The following FAR1 variants were observed in gnomAD, a reference collection of about 807,000 sequenced individuals.
The protein encoded by FAR1 is fatty acyl-CoA reductase 1.
A neutral mutation model predicts 61.1 loss-of-function variants in FAR1; 22 were observed. That is an observed-to-expected ratio of 0.36 (90% confidence interval 0.26 to 0.51). The LOEUF (loss-of-function observed/expected upper bound fraction) is 0.51, where lower values mean the gene tolerates loss of function less well. Ranked by LOEUF, FAR1 falls within the 20% of genes least tolerant of loss-of-function variation. The pLI, the probability that FAR1 is intolerant of heterozygous loss-of-function variation, is 0.95. For missense variants in FAR1, 359 were observed against 626.9 expected, an observed-to-expected ratio of 0.57 and a Z score of 4.56; for synonymous variants, 206 against 209.7, an observed-to-expected ratio of 0.98 and a Z score of 0.15.
intron 1 of FAR1, among the ~76,000 whole-genome samples, chr11:13,673,067 C>G (rs1848028389): frequency 6.6e-6 from 1 of 152,178 alleles, no homozygotes; most frequent in South Asian, 2.1e-4. Context: ...TATAGCTGAT[C>G]AACTTAAACA....
intron 10 of FAR1, among the ~76,000 whole-genome samples, chr11:13,724,351 G>C (rs998367338): frequency 3.3e-5 from 5 of 151,746 alleles, no homozygotes; most frequent in African/African-American, 1.2e-4. Context: ...TTCGAGACCA[G>C]CCTGGGCAAC....
At chr11:13,680,204 G>A (rs975401971) in intron 1 of FAR1, among the ~76,000 whole-genome samples, 3 of 152,116 alleles carry the variant, frequency 2.0e-5, no homozygotes, top group Non-Finnish European at 4.4e-5. Context: ...TAAATAATTT[G>A]TACACTTTGG....
intron 1 of FAR1, chr11:13,669,490 TAGA>T (rs1258608276): frequency 6.6e-6 from 1 of 152,202 alleles, no homozygotes; most frequent in Non-Finnish European, 1.5e-5. Flanking sequence ...GCTATTGGAC[TAGA>T]AGGCATTAGT....
At chr11:13,714,007 C>A (rs996680957) in intron 8 of FAR1, among the ~76,000 whole-genome samples, 2 of 151,882 alleles carry the variant, frequency 1.3e-5, no homozygotes, top group African/African-American at 4.8e-5. Flanking sequence ...ATAGATGATA[C>A]TAGGTTTGAT....
At chr11:13,672,338 T>C (rs1342614776) in intron 1 of FAR1, among the ~76,000 whole-genome samples, 7 of 150,772 alleles carry the variant, frequency 4.6e-5, no homozygotes, top group Non-Finnish European at 1.5e-5. Flanking sequence ...CCGCCTGAGC[T>C]CAAGAGTTCA....
rs189734722 is a variant in FAR1, at chr11:13,718,761, G to A, written c.1128-2969G>A. Among the ~76,000 whole-genome samples, 3 of 152,256 alleles carry A rather than the reference G, an allele frequency of 2.0e-5. No homozygotes were observed. In the East Asian group the frequency reaches 5.8e-4, roughly 29 times the overall value. On this transcript the variant is annotated intron_variant, in intron 9 of 11. Transcript: ENST00000354817. Reference sequence around the variant, plus strand: ...GGGTTAGCTTGATGGTAATGGCTCAGGATCTTTCAAATGATTGTAGTCAGA... The same window carrying A: ...GGGTTAGCTTGATGGTAATGGCTCAAGATCTTTCAAATGATTGTAGTCAGA...
At chr11:13,691,801 G>C (rs1447152502) in intron 1 of FAR1, among the ~76,000 whole-genome samples, 2 of 152,150 alleles carry the variant, frequency 1.3e-5, no homozygotes, top group Non-Finnish European at 2.9e-5. Context: ...GTGCCACTTG[G>C]CTATCGTGAG....
At chr11:13,702,426 A>T (rs916889383) in intron 3 of FAR1, among the ~76,000 whole-genome samples, 1 of 152,162 alleles carries the variant, frequency 6.6e-6, no homozygotes, top group Non-Finnish European at 1.5e-5. Flanking sequence ...AAAGGGACTG[A>T]TACCCTCATC....
chr11:13,704,763 A>T (rs2134187110), intron 3 of FAR1, among the ~76,000 whole-genome samples: 1 of 152,266 alleles, frequency 6.6e-6, no homozygotes, highest in Admixed American at 6.5e-5. Flanking sequence ...TAGTGATAAG[A>T]TCTCATCTAG....
chr11:13,694,639 A>G, intron 1 of FAR1, 120 bp from the exon 2 acceptor site: 5 of 788,158 alleles, frequency 6.3e-6, no homozygotes, highest in Non-Finnish European at 9.9e-6. Flanking sequence ...TCTCTTGTTA[A>G]TGTTCTATTT....
chr11:13,707,633 G>C (rs1185288145), intron 3 of FAR1, among the ~76,000 whole-genome samples: 3 of 152,056 alleles, frequency 2.0e-5, no homozygotes, highest in African/African-American at 7.2e-5. Flanking sequence ...GAAATTATCT[G>C]TTTGTTCCTG....
In FAR1 at chr11:13,710,702, T is replaced by C. The variant is rs182336044; in HGVS notation, c.555T>C (p.Asp185=). ...GCAATTTCTTTACCAGGTGGATGGATGATGGCCTAGTAAATGATATCACGC... is the reference window on the plus strand; with the variant it reads ...GCAATTTCTTTACCAGGTGGATGGACGATGGCCTAGTAAATGATATCACGC... The part of the protein sequence containing the change: ...KKLIDSLEWM[D]DGLVNDITPK... Residue 185 remains aspartate (D), a synonymous_variant, in exon 5 of 12, where the codon GAT becomes GAC. Transcript: ENST00000354817. 6.1e-4 allele frequency: 972 copies of C among 1,586,736 alleles called. 10 individuals are homozygous for C. In the Admixed American group the frequency reaches 0.011, roughly 19 times the overall value.
chr11:13,725,664 A>G (rs529148191), intron 10 of FAR1, among the ~76,000 whole-genome samples: 1 of 152,192 alleles, frequency 6.6e-6, no homozygotes, highest in Admixed American at 6.5e-5. Context: ...ATCCTTACAC[A>G]TTGCTGGTAG....
intron 3 of FAR1, among the ~76,000 whole-genome samples, chr11:13,706,791 T>C (rs1005164195): frequency 1.3e-5 from 2 of 152,210 alleles, no homozygotes; most frequent in African/African-American, 2.4e-5. Context: ...AAGGAATATT[T>C]GTTGACTGCC....
chr11:13,674,856 AAAG>A (rs1283754003), intron 1 of FAR1, among the ~76,000 whole-genome samples: 4 of 152,204 alleles, frequency 2.6e-5, no homozygotes, highest in Non-Finnish European at 4.4e-5. Context: ...ATAGATGTAC[AAAG>A]AAGAACACTC....
At position 13,702,854 on chromosome 11, in the gene FAR1, T is replaced by C. The variant is rs1283800965; in HGVS notation, c.365+2362T>C. The stretch of plus-strand genomic sequence containing the variant: ...CAAGGAGGACCAAAGTACAGCACTT[T>C]CAGGGAACTTTCTTTCTGTCCCCCT... On this transcript the variant is annotated intron_variant, in intron 3 of 11. Coordinates refer to ENST00000354817, the MANE Select transcript of FAR1 (RefSeq NM_032228.6). 3.9e-5 allele frequency among the ~76,000 whole-genome samples: 6 copies of C among 152,228 alleles called. No homozygotes were observed. In the South Asian group the frequency reaches 6.2e-4, roughly 16 times the overall value.
At chr11:13,677,726 T>C (rs1848083711) in intron 1 of FAR1, among the ~76,000 whole-genome samples, 1 of 152,242 alleles carries the variant, frequency 6.6e-6, no homozygotes, top group East Asian at 1.9e-4. Context: ...GCCTTTTGGC[T>C]GAGTCATTCT....
At chr11:13,699,930 A>G (rs61883163) in intron 2 of FAR1, among the ~76,000 whole-genome samples, 13,660 of 152,234 alleles carry the variant, frequency 0.09, 703 homozygotes, top group South Asian at 0.13. Flanking sequence ...AAAAATTAAG[A>G]TCTAGATTTT....
intron 5 of FAR1, 119 bp from the exon 6 acceptor site, chr11:13,711,645 T>G: frequency 2.6e-6 from 2 of 766,998 alleles, no homozygotes; most frequent in Non-Finnish European, 4.5e-6. Context: ...TCTAGTCTGT[T>G]TTTTAGTTTT....
Sources: gnomAD v4.1 joint callset for allele counts (sites outside exome capture counted in the v4.1 genomes callset) on GRCh38, gnomAD v4.1.1 for gene constraint, MANE v1.5 for transcripts, NCBI Gene and HGNC (gene_info 2026-07-23, HGNC 2026-07-21) for gene names.